The following UTS2 variants were observed in gnomAD, a reference collection of about 807,000 sequenced individuals.
The protein encoded by UTS2 is urotensin 2.
In UTS2, 10 loss-of-function variants were observed where a neutral mutation model predicts 12.6. That is an observed-to-expected ratio of 0.80 (90% CI 0.49 to 1.35). The LOEUF is 1.35. Among genes scored for constraint, UTS2 ranks in the 40% most tolerant of loss-of-function variants. The pLI is 0.00. For synonymous variants in UTS2, 52 were observed against 50.0 expected (o/e 1.04, Z -0.17); for missense variants, 142 against 143.2 (o/e 0.99, Z 0.04).
the UTS2 span, among the ~76,000 whole-genome samples, chr1:7,908,036 C>T: frequency 0.011 from 1 of 88 alleles, no homozygotes; most frequent in Admixed American, 0.12. Flanking sequence ...GAATGGTGCT[C>T]ATGCTGTAAT....
At chr1:7,873,852 A>G in the UTS2 span, among the ~76,000 whole-genome samples, 1 of 152,194 alleles carries the variant, frequency 6.6e-6, no homozygotes, top group Non-Finnish European at 1.5e-5. Context: ...GTTATCAAAT[A>G]GCATCATATG....
At chr1:7,871,111 C>T in the UTS2 span, among the ~76,000 whole-genome samples, 4 of 152,172 alleles carry the variant, frequency 2.6e-5, no homozygotes, top group African/African-American at 9.7e-5. Flanking sequence ...CCAGGATAGG[C>T]GATGAGGGAT....
At chr1:7,896,517 A>AAT in the UTS2 span, among the ~76,000 whole-genome samples, 1 of 152,286 alleles carries the variant, frequency 6.6e-6, no homozygotes, top group East Asian at 1.9e-4. Context: ...TTCCTGAGGA[A>AAT]GTCTTTAAGA....
At chr1:7,871,794 G>A in the UTS2 span, among the ~76,000 whole-genome samples, 4 of 152,108 alleles carry the variant, frequency 2.6e-5, no homozygotes, top group Non-Finnish European at 5.9e-5. Context: ...CACAAACAGT[G>A]CCCATATAAG....
At chr1:7,847,904 A>G in intron 3 of UTS2, 22 bp from the exon 4 acceptor site, 1 of 1,531,944 alleles carries the variant, frequency 6.5e-7, no homozygotes, top group South Asian at 1.2e-5. Context: ...CAAACGAACA[A>G]CAACAACAAA....
At chr1:7,905,303 G>A in the UTS2 span, among the ~76,000 whole-genome samples, 6 of 151,666 alleles carry the variant, frequency 4.0e-5, no homozygotes, top group African/African-American at 9.7e-5. Context: ...ATGTCACCAC[G>A]CCCGTCTAAT....
upstream of UTS2, among the ~76,000 whole-genome samples, chr1:7,857,098 GA>G (rs376746750): frequency 3.7e-4 from 2 of 5,392 alleles, no homozygotes; most frequent in African/African-American, 7.3e-4. Flanking sequence ...AAGGAAGGAA[GA>G]AAAGGAATGA....
At chr1:7,855,429 A>G (rs1638288124), upstream of UTS2, among the ~76,000 whole-genome samples, 1 of 150,084 alleles carries the variant, frequency 6.7e-6, no homozygotes, top group Non-Finnish European at 1.5e-5. Flanking sequence ...ACAGAAGATA[A>G]AAGAATTAGC....
chr1:7,863,208 T>A, the UTS2 span, among the ~76,000 whole-genome samples: 2 of 151,728 alleles, frequency 1.3e-5, no homozygotes, highest in African/African-American at 4.9e-5. Flanking sequence ...GCCTCCCGGG[T>A]TCAAGTGATT....
the UTS2 span, among the ~76,000 whole-genome samples, chr1:7,912,162 C>T: frequency 6.6e-6 from 1 of 151,940 alleles, no homozygotes; most frequent in Admixed American, 6.6e-5. Flanking sequence ...CAAGATAGAT[C>T]CCTAGTGGCT....
rs767513022 is a variant in UTS2, at chr1:7,850,829, TC to T, written c.196del (p.Asp66IlefsTer19). On this transcript the variant is annotated frameshift_variant, in exon 2 of 4. Transcript: ENST00000361696. LOFTEE classifies it high-confidence loss of function. ...LPEMLGAERG[D>X]ILRKADSSTN... ...CATTTTACCTGCTTTCCTGAGAATA[TC>T]CCCTCTTTCTGCACCCAGCATCTCT... The T allele has an allele frequency of 7.2e-5, 117 of 1,614,046 alleles. No individual in the cohort carries two copies. Among genetic ancestry groups the T allele is most frequent in the Non-Finnish European group, 9.4e-5 (111 of 1,180,040 alleles).
the UTS2 span, among the ~76,000 whole-genome samples, chr1:7,877,771 G>T: frequency 6.6e-6 from 1 of 152,130 alleles, no homozygotes; most frequent in African/African-American, 2.4e-5. Context: ...TACTCAGGAG[G>T]CTGAGGCAAG....
the UTS2 span, among the ~76,000 whole-genome samples, chr1:7,870,631 C>T: frequency 6.6e-6 from 1 of 152,204 alleles, no homozygotes; most frequent in African/African-American, 2.4e-5. Flanking sequence ...CGTAACTAAG[C>T]TTTGATTTCC....
the UTS2 span, among the ~76,000 whole-genome samples, chr1:7,882,475 T>C: frequency 6.6e-6 from 1 of 151,916 alleles, no homozygotes; most frequent in African/African-American, 2.4e-5. Context: ...GAAGAAAACA[T>C]AGGGGAAATG....
the UTS2 span, among the ~76,000 whole-genome samples, chr1:7,879,619 T>G: frequency 5.3e-5 from 8 of 152,242 alleles, no homozygotes; most frequent in African/African-American, 1.9e-4. Flanking sequence ...CACACGCTTG[T>G]AGTTCTAGCT....
the UTS2 span, among the ~76,000 whole-genome samples, chr1:7,873,881 GA>G: frequency 6.6e-6 from 1 of 152,112 alleles, no homozygotes; most frequent in African/African-American, 2.4e-5. Flanking sequence ...GAATGTTTTT[GA>G]AAGAGTCATT....
intron 3 of UTS2, among the ~76,000 whole-genome samples, chr1:7,848,892 C>T (rs1250031692): frequency 1.3e-5 from 2 of 152,162 alleles, no homozygotes; most frequent in African/African-American, 4.8e-5. Flanking sequence ...GCCCTTCACA[C>T]TTTCCCATGC....
At chr1:7,861,435 A>C in the UTS2 span, among the ~76,000 whole-genome samples, 1 of 152,192 alleles carries the variant, frequency 6.6e-6, no homozygotes, top group Non-Finnish European at 1.5e-5. Context: ...TGGAAACCAT[A>C]AGCACCAAGT....
At chr1:7,868,900 G>T in the UTS2 span, among the ~76,000 whole-genome samples, 1 of 152,188 alleles carries the variant, frequency 6.6e-6, no homozygotes, top group African/African-American at 2.4e-5. Flanking sequence ...AACAGGAAGA[G>T]ACAAGAGAGC....
Sources: gnomAD v4.1 joint callset for allele counts (sites outside exome capture counted in the v4.1 genomes callset) on GRCh38, gnomAD v4.1.1 for gene constraint, MANE v1.5 for transcripts, NCBI Gene and HGNC (gene_info 2026-07-23, HGNC 2026-07-21) for gene names.